KIAA0319: variants seen among roughly 807,000 people sequenced by gnomAD.
KIAA0319 encodes the protein dyslexia-associated protein KIAA0319.
Under a neutral mutation model 108.4 loss-of-function variants are expected in KIAA0319, and 83 were observed. The observed-to-expected ratio is 0.77, with a 90% confidence interval of 0.64 to 0.92. The LOEUF is 0.92. Among genes scored for constraint, KIAA0319 ranks in the 40% least tolerant of loss-of-function variants. The probability of loss-of-function intolerance (pLI) is 0.00; values close to 1 mark genes in which losing one functional copy is unlikely to be tolerated. For missense variants in KIAA0319, 1,195 were observed against 1,322.4 expected, an observed-to-expected ratio of 0.90 and a Z score of 1.49; for synonymous variants, 484 against 510.4, an observed-to-expected ratio of 0.95 and a Z score of 0.70.
rs1167754616 is a variant in KIAA0319 at position 24,545,699 on chromosome 6, A to C, written c.*1466T>G. 1 of 152,266 alleles carries C rather than the reference A, an allele frequency of 6.6e-6. No individual in the cohort carries two copies. Among genetic ancestry groups the C allele is most frequent in the African/African-American group, 2.4e-5 (1 of 41,480 alleles). The allele number at this position is 152,266 out of a possible 1,614,324, so 9.4% of individuals were successfully genotyped here. On this transcript the variant is annotated 3_prime_UTR_variant, in exon 21 of 21. Transcript: ENST00000378214. ...TAAGTAAAAATAAGATGGTCCCATGAGGATGAATACTGCGGGAGATGACAA... is the reference window on the plus strand; with the variant it reads ...TAAGTAAAAATAAGATGGTCCCATGCGGATGAATACTGCGGGAGATGACAA...
intron 1 of KIAA0319, among the ~76,000 whole-genome samples, chr6:24,617,544 T>C (rs190497135): frequency 2.0e-4 from 31 of 152,294 alleles, no homozygotes; most frequent in South Asian, 2.1e-4. Flanking sequence ...AAGCTGATGG[T>C]GAAGCTGAAG....
chr6:24,617,201 C>A (rs1378009037), intron 1 of KIAA0319, among the ~76,000 whole-genome samples: 4 of 150,980 alleles, frequency 2.6e-5, no homozygotes, highest in Non-Finnish European at 5.9e-5. Context: ...TAAAATGGAA[C>A]CTCAAATGTC....
chr6:24,621,573 T>C (rs928509295), intron 1 of KIAA0319, among the ~76,000 whole-genome samples: 8 of 152,194 alleles, frequency 5.3e-5, no homozygotes, highest in African/African-American at 9.7e-5. Context: ...ATATGGCAGA[T>C]AGATGTATAT....
At chr6:24,587,038 C>T (rs1481378604) in intron 4 of KIAA0319, among the ~76,000 whole-genome samples, 6 of 152,268 alleles carry the variant, frequency 3.9e-5, no homozygotes, top group Middle Eastern at 3.4e-3. Flanking sequence ...ACACCGATGA[C>T]TCGTAATCCT....
intron 1 of KIAA0319, among the ~76,000 whole-genome samples, chr6:24,617,407 G>A (rs73390421): frequency 0.035 from 5,315 of 151,984 alleles, 176 homozygotes; most frequent in African/African-American, 0.084. Context: ...ACAGCAATGC[G>A]GCAAAATCTT....
chr6:24,620,885 A>G (rs563826724), intron 1 of KIAA0319, among the ~76,000 whole-genome samples: 1 of 152,290 alleles, frequency 6.6e-6, no homozygotes, highest in Admixed American at 6.5e-5. Context: ...ATTTTGGGAG[A>G]CACAAACATT....
chr6:24,628,832 G>T (rs1775090900), intron 1 of KIAA0319, among the ~76,000 whole-genome samples: 2 of 152,046 alleles, frequency 1.3e-5, no homozygotes, highest in South Asian at 4.1e-4. Flanking sequence ...CTCTCCTTGT[G>T]TGCCTCTGGG....
At chr6:24,583,160 T>G (rs935791942) in intron 5 of KIAA0319, 15 of 986,702 alleles carry the variant, frequency 1.5e-5, no homozygotes, top group Non-Finnish European at 1.7e-5. Context: ...TTGAATAAAT[T>G]TTTTTGAGCA....
intron 17 of KIAA0319, among the ~76,000 whole-genome samples, chr6:24,557,002 C>A (rs1431910061): frequency 3.9e-5 from 6 of 152,142 alleles, no homozygotes; most frequent in Non-Finnish European, 8.8e-5. Flanking sequence ...GTCAGGAGAT[C>A]CAGACCATCC....
chr6:24,553,294 TACACACACACACACACAC>T (rs71544276), intron 19 of KIAA0319, among the ~76,000 whole-genome samples: 28 of 91,072 alleles, frequency 3.1e-4, no homozygotes, highest in Non-Finnish European at 5.1e-4. Context: ...TATATATATA[TACACACACACACACACAC>T]ACACACACAC....
chr6:24,583,921 G>A (rs1296132271), intron 4 of KIAA0319, among the ~76,000 whole-genome samples: 1 of 152,138 alleles, frequency 6.6e-6, no homozygotes, highest in African/African-American at 2.4e-5. Context: ...ATATGAGTTG[G>A]CACTGTGACA....
chr6:24,639,454 T>C (rs1776631828), intron 1 of KIAA0319, among the ~76,000 whole-genome samples: 1 of 152,218 alleles, frequency 6.6e-6, no homozygotes, highest in African/African-American at 2.4e-5. Flanking sequence ...AAAATAAAGG[T>C]TCTTTTAAGA....
At chr6:24,600,697 C>T in intron 2 of KIAA0319, 7 of 1,523,836 alleles carry the variant, frequency 4.6e-6, no homozygotes, top group Non-Finnish European at 6.2e-6. Flanking sequence ...TGAGTGCATC[C>T]ACCATAAGCA....
At chr6:24,588,070 G>A (rs1263305789) in intron 4 of KIAA0319, among the ~76,000 whole-genome samples, 6 of 152,310 alleles carry the variant, frequency 3.9e-5, no homozygotes, top group Non-Finnish European at 5.9e-5. Context: ...CTTCCGAAAT[G>A]TCCCGTGAGC....
chr6:24,569,005 CT>C, intron 12 of KIAA0319, 76 bp from the exon 13 acceptor site: 1 of 1,442,846 alleles, frequency 6.9e-7, no homozygotes. Flanking sequence ...GATTTGTGCT[CT>C]TATAAATGTT....
chr6:24,630,710 T>TATATATAC (rs373537245), intron 1 of KIAA0319, among the ~76,000 whole-genome samples: 44 of 138,690 alleles, frequency 3.2e-4, no homozygotes, highest in African/African-American at 4.5e-4. Flanking sequence ...TATACACATA[T>TATATATAC]ACACACAAAC....
chr6:24,543,893 G>A (rs1437038052), downstream of KIAA0319, among the ~76,000 whole-genome samples: 2 of 152,338 alleles, frequency 1.3e-5, no homozygotes, highest in East Asian at 1.9e-4. Context: ...AGAGGAAGGC[G>A]AGCTGACTGA....
intron 19 of KIAA0319, among the ~76,000 whole-genome samples, chr6:24,553,642 T>G (rs537300564): frequency 6.6e-6 from 1 of 152,222 alleles, no homozygotes; most frequent in Admixed American, 6.5e-5. Flanking sequence ...AATGGAGTGC[T>G]TTACAGAGAG....
intron 16 of KIAA0319, among the ~76,000 whole-genome samples, chr6:24,563,100 C>T (rs1233630585): frequency 3.3e-5 from 5 of 152,198 alleles, no homozygotes; most frequent in South Asian, 4.1e-4. Context: ...AGCTAACAAC[C>T]GTCTCCCCTG....
Sources: gnomAD v4.1 joint callset for allele counts (sites outside exome capture counted in the v4.1 genomes callset) on GRCh38, gnomAD v4.1.1 for gene constraint, MANE v1.5 for transcripts, NCBI Gene and HGNC (gene_info 2026-07-23, HGNC 2026-07-21) for gene names.